HIPK2: variants seen among roughly 807,000 people sequenced by gnomAD.
HIPK2 encodes homeodomain-interacting protein kinase 2.
A neutral mutation model predicts 113.7 loss-of-function variants in HIPK2; 27 were observed. The observed-to-expected ratio is 0.24, with a 90% confidence interval of 0.17 to 0.33. HIPK2 has a LOEUF of 0.33. HIPK2 is among the 10% of genes least tolerant of loss of function. The pLI, the probability that HIPK2 is intolerant of heterozygous loss-of-function variation, is 1.00. For missense variants in HIPK2, 1,257 were observed against 1,588.0 expected (o/e 0.79, Z 3.54); for synonymous variants, 631 against 642.2 (o/e 0.98, Z 0.26).
chr7:139,749,692 AGCTGCACTCTAACCATTTCCTAAT>A (rs1209735524), intron 1 of HIPK2, among the ~76,000 whole-genome samples: 1 of 152,208 alleles, frequency 6.6e-6, no homozygotes, highest in Non-Finnish European at 1.5e-5. Context: ...CTGATTACAC[AGCTGCACTCTAACCATTTCCTAAT>A]ACTGCCTCTC....
intron 2 of HIPK2, among the ~76,000 whole-genome samples, chr7:139,704,962 G>A (rs898524780): frequency 6.6e-6 from 1 of 152,168 alleles, no homozygotes; most frequent in Non-Finnish European, 1.5e-5. Flanking sequence ...TCTGGACTCA[G>A]GAAGAGGTGT....
intron 2 of HIPK2, among the ~76,000 whole-genome samples, chr7:139,656,334 C>A (rs530192775): frequency 3.0e-4 from 45 of 152,318 alleles, no homozygotes; most frequent in Admixed American, 1.3e-3. Flanking sequence ...CCCACTTATT[C>A]CAGCAGAACC....
intron 2 of HIPK2, among the ~76,000 whole-genome samples, chr7:139,685,943 T>C (rs1794203362): frequency 6.6e-6 from 1 of 152,262 alleles, no homozygotes; most frequent in Non-Finnish European, 1.5e-5. Context: ...ATTTTGTCTT[T>C]CATGTCTTAT....
intron 2 of HIPK2, among the ~76,000 whole-genome samples, chr7:139,652,899 T>G (rs1801513886): frequency 6.6e-6 from 1 of 151,966 alleles, no homozygotes; most frequent in Non-Finnish European, 1.5e-5. Context: ...TCCCAGCACT[T>G]TGGGAGGCCG....
intron 12 of HIPK2, among the ~76,000 whole-genome samples, chr7:139,585,951 A>T (rs1028846982): frequency 1.3e-5 from 2 of 152,214 alleles, no homozygotes; most frequent in African/African-American, 4.8e-5. Context: ...CTATACAAAG[A>T]AATATGTGTC....
chr7:139,647,300 T>A (rs1305744715), intron 2 of HIPK2, among the ~76,000 whole-genome samples: 1 of 152,118 alleles, frequency 6.6e-6, no homozygotes, highest in African/African-American at 2.4e-5. Flanking sequence ...TTCACACTCA[T>A]GAGCTGGAAG....
intron 11 of HIPK2, among the ~76,000 whole-genome samples, chr7:139,599,240 T>C (rs1466562143): frequency 6.6e-6 from 1 of 152,224 alleles, no homozygotes; most frequent in Non-Finnish European, 1.5e-5. Flanking sequence ...GAAATCTCCA[T>C]TTTTTAAAAA....
In HIPK2 at chr7:139,561,768, T is replaced by C. The variant is rs574089220; in HGVS notation, c.*11159A>G. On this transcript the variant is annotated 3_prime_UTR_variant, in exon 15 of 15. Coordinates refer to ENST00000406875, the MANE Select transcript of HIPK2 (RefSeq NM_022740.5). ...CCACAATGGGACCCCCCCCCCTTTT[T>C]CTCACCCTACAGTTAGTAATATTAC... is the stretch of plus-strand genomic sequence containing the variant. The C allele has an allele frequency of 8.1e-5, 12 of 147,372 alleles. No homozygotes were observed. In the East Asian group the frequency reaches 2.7e-3, roughly 33 times the overall value. 9.1% of individuals were successfully genotyped at this position (147,372 alleles called of 1,614,324 possible).
In HIPK2 at chr7:139,758,659, C is replaced by T. The variant is rs148409973; in HGVS notation, c.19+18946G>A. 5.9e-5 allele frequency among the ~76,000 whole-genome samples: 9 copies of T among 152,186 alleles called. 1 individual carries two copies. Among genetic ancestry groups the T allele is most frequent in the South Asian group, 4.2e-4 (2 of 4,812 alleles). On this transcript the variant is annotated intron_variant, in intron 1 of 14. Transcript: ENST00000406875. The stretch of plus-strand genomic sequence containing the variant: ...TGAACCCTACTGTGAACTGCGCATG[C>T]GAGGGATCCAGATTGTGCGCTCATT...
intron 1 of HIPK2, among the ~76,000 whole-genome samples, chr7:139,767,762 A>T (rs1796576467): frequency 6.6e-6 from 1 of 152,272 alleles, no homozygotes; most frequent in Non-Finnish European, 1.5e-5. Flanking sequence ...ACCACCAGCC[A>T]TATAAACAGG....
intron 2 of HIPK2, among the ~76,000 whole-genome samples, chr7:139,707,863 TCTC>T (rs1794948901): frequency 1.3e-5 from 2 of 152,038 alleles, no homozygotes; most frequent in South Asian, 4.1e-4. Flanking sequence ...CACGTTCATG[TCTC>T]CTCTGCTGTT....
At chr7:139,667,948 T>C (rs1029359952) in intron 2 of HIPK2, among the ~76,000 whole-genome samples, 1 of 151,466 alleles carries the variant, frequency 6.6e-6, no homozygotes, top group African/African-American at 2.4e-5. Context: ...ACCAATATGA[T>C]GAAACCCTGT....
intron 1 of HIPK2, among the ~76,000 whole-genome samples, chr7:139,742,442 T>G (rs1796118209): frequency 6.6e-6 from 1 of 152,226 alleles, no homozygotes; most frequent in African/African-American, 2.4e-5. Context: ...GTGCACACCG[T>G]GGATCTCCAA....
At chr7:139,676,175 C>T (rs1052011585) in intron 2 of HIPK2, among the ~76,000 whole-genome samples, 14 of 152,328 alleles carry the variant, frequency 9.2e-5, no homozygotes, top group African/African-American at 3.4e-4. Flanking sequence ...CTATACACCG[C>T]AACTCCTCTC....
intron 2 of HIPK2, among the ~76,000 whole-genome samples, chr7:139,649,226 T>C (rs1464797): frequency 0.11 from 17,228 of 151,950 alleles, 976 homozygotes; most frequent in African/African-American, 0.12. Flanking sequence ...CCCCACACCC[T>C]GACTCGGTGA....
intron 2 of HIPK2, among the ~76,000 whole-genome samples, chr7:139,651,129 C>T (rs1291413573): frequency 1.3e-5 from 2 of 152,182 alleles, no homozygotes; most frequent in African/African-American, 2.4e-5. Flanking sequence ...TAGGTCAGCA[C>T]CCCCTGATAC....
At chr7:139,599,951 C>T (rs530018597) in intron 11 of HIPK2, among the ~76,000 whole-genome samples, 2 of 152,242 alleles carry the variant, frequency 1.3e-5, no homozygotes, top group East Asian at 3.9e-4. Context: ...TATCTGATCA[C>T]CCTCGATATC....
intron 12 of HIPK2, among the ~76,000 whole-genome samples, chr7:139,594,174 C>T (rs139928005): frequency 8.1e-4 from 123 of 152,260 alleles, no homozygotes; most frequent in South Asian, 5.8e-3. Flanking sequence ...CTTCAAAGCC[C>T]CCCTCCCCTG....
chr7:139,649,643 C>T (rs900740531), intron 2 of HIPK2, among the ~76,000 whole-genome samples: 3 of 151,938 alleles, frequency 2.0e-5, no homozygotes, highest in African/African-American at 7.3e-5. Flanking sequence ...CAGGAGCAAC[C>T]CTGCTCCTCC....
Sources: gnomAD v4.1 joint callset for allele counts (sites outside exome capture counted in the v4.1 genomes callset) on GRCh38, gnomAD v4.1.1 for gene constraint, MANE v1.5 for transcripts, NCBI Gene and HGNC (gene_info 2026-07-23, HGNC 2026-07-21) for gene names.